SGCZ: variants seen among roughly 807,000 people sequenced by gnomAD.
The protein encoded by SGCZ is zeta-sarcoglycan.
Under a neutral mutation model 41.3 loss-of-function variants are expected in SGCZ, and 40 were observed. The ratio of observed to expected loss-of-function variants is 0.97; its 90% CI spans 0.75 to 1.26. SGCZ has a LOEUF of 1.26. Ranked by LOEUF, SGCZ falls within the 50% of genes most tolerant of loss-of-function variation. The pLI, the probability that SGCZ is intolerant of heterozygous loss-of-function variation, is 0.00. For missense variants in SGCZ, 552 were observed against 369.8 expected (o/e 1.49, Z -4.04); for synonymous variants, 206 against 137.5 (o/e 1.50, Z -3.49).
chr8:14,659,287 G>C (rs145417729), intron 1 of SGCZ, among the ~76,000 whole-genome samples: 2 of 152,048 alleles, frequency 1.3e-5, no homozygotes, highest in Non-Finnish European at 2.9e-5. Flanking sequence ...GCTGAATATG[G>C]TGATTAACCC....
intron 3 of SGCZ, among the ~76,000 whole-genome samples, chr8:14,295,397 A>G (rs72603994): frequency 0.22 from 33,388 of 152,142 alleles, 3,886 homozygotes; most frequent in South Asian, 0.3. Flanking sequence ...GTCACTTGCC[A>G]TATAATTAAA....
intron 2 of SGCZ, among the ~76,000 whole-genome samples, chr8:14,505,494 C>T (rs148316556): frequency 7.2e-4 from 110 of 152,214 alleles, no homozygotes; most frequent in African/African-American, 2.3e-3. Context: ...TGAGAAATGG[C>T]GTGATAAGAG....
chr8:15,237,750 T>C lies in SGCZ; in HGVS notation c.-127A>G. On this transcript the variant is annotated 5_prime_UTR_variant, in exon 1 of 8. An upstream start codon of the reference 5' UTR is lost. Transcript: ENST00000382080. ...GCCCCGGCAGCTCCTCTCAGTCTCA[T>C]TCTCCGTGGTCACGCCGCCTCCACC... is the stretch of plus-strand genomic sequence containing the variant. 1 of 881,822 alleles carries C rather than the reference T, an allele frequency of 1.1e-6. No individual in the cohort carries two copies. The allele number at this position is 881,822 out of a possible 1,614,324, so 54.6% of individuals were successfully genotyped here. A position where few individuals can be genotyped will look rare whatever the true frequency, so the allele number is the denominator to read the frequency against.
intron 2 of SGCZ, among the ~76,000 whole-genome samples, chr8:14,343,385 A>G (rs151020093): frequency 9.1e-4 from 139 of 152,308 alleles, no homozygotes; most frequent in African/African-American, 3.3e-3. Context: ...ACTCAACACC[A>G]GCCTGTAACA....
At chr8:14,281,429 G>A (rs1800433161) in intron 3 of SGCZ, among the ~76,000 whole-genome samples, 1 of 150,226 alleles carries the variant, frequency 6.7e-6, no homozygotes, top group Non-Finnish European at 1.5e-5. Context: ...AGCAATATTT[G>A]TATCCACTAA....
At chr8:14,167,963 T>C (rs1176450702) in intron 4 of SGCZ, among the ~76,000 whole-genome samples, 3 of 152,174 alleles carry the variant, frequency 2.0e-5, no homozygotes, top group Admixed American at 2.0e-4. Context: ...GGCTCAAATA[T>C]ATATTTTCAA....
chr8:15,065,891 T>C (rs1446195247), intron 1 of SGCZ, among the ~76,000 whole-genome samples: 1 of 152,150 alleles, frequency 6.6e-6, no homozygotes, highest in African/African-American at 2.4e-5. Context: ...ATGATTGAAA[T>C]TTTGTTTCAC....
intron 3 of SGCZ, among the ~76,000 whole-genome samples, chr8:14,323,140 G>C (rs1028080475): frequency 3.3e-5 from 5 of 151,920 alleles, no homozygotes; most frequent in Non-Finnish European, 2.9e-5. Flanking sequence ...GAAATTTAAA[G>C]TTAATATCCT....
chr8:14,555,790 A>G (rs1412898964), intron 1 of SGCZ, among the ~76,000 whole-genome samples: 2 of 152,032 alleles, frequency 1.3e-5, no homozygotes, highest in Non-Finnish European at 2.9e-5. Context: ...ATATTAGTGT[A>G]TTTGCAAGAA....
At chr8:14,754,561 G>C (rs1207680242) in intron 1 of SGCZ, among the ~76,000 whole-genome samples, 19 of 152,118 alleles carry the variant, frequency 1.2e-4, no homozygotes, top group Admixed American at 1.2e-3. Context: ...CAGAATAGTG[G>C]CTGGTACATT....
At chr8:14,309,527 T>A (rs1026723226) in intron 3 of SGCZ, 2 of 1,609,914 alleles carry the variant, frequency 1.2e-6, no homozygotes, top group African/African-American at 2.7e-5. Context: ...GACTACTGAA[T>A]GTGAAAACAA....
chr8:14,499,315 G>A (rs554304100), intron 2 of SGCZ, among the ~76,000 whole-genome samples: 2 of 151,970 alleles, frequency 1.3e-5, no homozygotes, highest in Non-Finnish European at 2.9e-5. Context: ...ACATGTATTA[G>A]TAGACAATGT....
intron 1 of SGCZ, among the ~76,000 whole-genome samples, chr8:14,744,928 C>A (rs1414965158): frequency 4.6e-5 from 7 of 152,286 alleles, no homozygotes; most frequent in Non-Finnish European, 7.4e-5. Flanking sequence ...ACATTGTGTT[C>A]AGATCCATCA....
At chr8:14,611,358 T>C (rs992563577) in intron 1 of SGCZ, among the ~76,000 whole-genome samples, 7 of 152,050 alleles carry the variant, frequency 4.6e-5, no homozygotes, top group South Asian at 2.1e-4. Flanking sequence ...ATGTATGAAA[T>C]AGATTGTGGA....
intron 1 of SGCZ, among the ~76,000 whole-genome samples, chr8:14,830,859 C>T (rs1454757047): frequency 6.6e-6 from 1 of 152,034 alleles, no homozygotes; most frequent in African/African-American, 2.4e-5. Context: ...TAAAAAAAGT[C>T]TTTGAAAACT....
At chr8:14,676,976 G>GA (rs796413165) in intron 1 of SGCZ, among the ~76,000 whole-genome samples, 2 of 150,560 alleles carry the variant, frequency 1.3e-5, no homozygotes, top group African/African-American at 2.4e-5. Flanking sequence ...CAATAAGAAA[G>GA]AAAAAAATAA....
At chr8:14,496,137 C>T (rs1055598587) in intron 2 of SGCZ, among the ~76,000 whole-genome samples, 3 of 98,356 alleles carry the variant, frequency 3.1e-5, no homozygotes, top group Admixed American at 1.1e-4. Flanking sequence ...GTGATCATGG[C>T]TCACTGCAGC....
chr8:15,067,732 A>C (rs2131022558), intron 1 of SGCZ, among the ~76,000 whole-genome samples: 1 of 152,264 alleles, frequency 6.6e-6, no homozygotes, highest in South Asian at 2.1e-4. Context: ...TTCATCTATA[A>C]ATATCTATTA....
chr8:14,507,102 T>C lies in SGCZ; in HGVS notation c.234+47630A>G, dbSNP rs533981602. Among the ~76,000 whole-genome samples, 4 of 134,708 alleles carry C rather than the reference T, an allele frequency of 3.0e-5. No individual in the cohort carries two copies. In the East Asian group the frequency reaches 8.7e-4, roughly 29 times the overall value. The allele number at this position is 134,708 out of a possible 152,430, so 88.4% of individuals were successfully genotyped here. On this transcript the variant is annotated intron_variant, in intron 2 of 7. Coordinates refer to ENST00000382080, the MANE Select transcript of SGCZ (RefSeq NM_139167.4). ...TCAAATGGGTAACTCAAAATTAACA[T>C]GCCAAAAACTAATCTTCCCTATCTT... is the stretch of plus-strand genomic sequence containing the variant.
Sources: allele counts gnomAD v4.1 joint callset (sites outside exome capture counted in the v4.1 genomes callset), GRCh38; gene constraint gnomAD v4.1.1; transcripts MANE v1.5; gene names NCBI Gene and HGNC (gene_info 2026-07-23, HGNC 2026-07-21).